CIMIP2A: variants seen among roughly 807,000 people sequenced by gnomAD.
CIMIP2A encodes family with sequence similarity 166 member A.
chr9:137,245,536 A>G, the CIMIP2A span: 8 of 1,613,738 alleles, frequency 5.0e-6, no homozygotes, highest in South Asian at 1.1e-5. Context: ...CAGAATCTCA[A>G]AGTTCTTAGA....
At chr9:137,244,128 A>T in the CIMIP2A span, 15 of 1,586,418 alleles carry the variant, frequency 9.5e-6, no homozygotes, top group Non-Finnish European at 1.3e-5. Context: ...CCCTCCCCAC[A>T]TTGGCCGGGG....
At chr9:137,244,443 C>T in the CIMIP2A span, 1 of 1,512,756 alleles carries the variant, frequency 6.6e-7, no homozygotes, top group Non-Finnish European at 8.9e-7. Context: ...GACTCCAAAA[C>T]TTGAGTGCAG....
At chr9:137,246,667 GCAGGAGAATGGCGTGAACC>G in the CIMIP2A span, among the ~76,000 whole-genome samples, 14 of 152,162 alleles carry the variant, frequency 9.2e-5, no homozygotes, top group South Asian at 4.1e-4. Flanking sequence ...GGAGGCTGAG[GCAGGAGAATGGCGTGAACC>G]CAGGAGGCGG....
At chr9:137,244,280 A>T in the CIMIP2A span, 1 of 1,613,652 alleles carries the variant, frequency 6.2e-7, no homozygotes, top group Non-Finnish European at 8.5e-7. Context: ...GGGGGTTTCT[A>T]AACAGGAACT....
chr9:137,244,498 C>G, the CIMIP2A span: 1 of 1,499,250 alleles, frequency 6.7e-7, no homozygotes, highest in Middle Eastern at 2.0e-4. Flanking sequence ...GCGGCACCTC[C>G]GGGGACAGGA....
chr9:137,251,620 T>C, the CIMIP2A span: 10 of 1,241,560 alleles, frequency 8.1e-6, no homozygotes, highest in Non-Finnish European at 1.1e-5. Context: ...GGGGACAGGC[T>C]GTGGGGCACG....
the CIMIP2A span, chr9:137,252,098 C>G: frequency 6.2e-7 from 1 of 1,612,512 alleles, no homozygotes. Context: ...CCTCCCCACA[C>G]CCCCACTACA....
the CIMIP2A span, chr9:137,244,942 G>A: frequency 6.2e-7 from 1 of 1,601,684 alleles, no homozygotes. Context: ...GAAGCAGCTG[G>A]GAGGCAGAGG....
the CIMIP2A span, chr9:137,252,619 G>A: frequency 6.6e-7 from 1 of 1,517,498 alleles, no homozygotes; most frequent in Non-Finnish European, 8.9e-7. Context: ...GAGGGTCCGT[G>A]GGGAGCACCC....
At chr9:137,251,792 G>A in the CIMIP2A span, 1 of 1,595,498 alleles carries the variant, frequency 6.3e-7, no homozygotes. Flanking sequence ...CCTGGGATGA[G>A]ACACAGCCCC....
chr9:137,245,096 G>A, the CIMIP2A span: 2 of 1,609,818 alleles, frequency 1.2e-6, no homozygotes, highest in Non-Finnish European at 1.7e-6. Context: ...CACCTGAGAT[G>A]GCCTTGCGTT....
At chr9:137,244,882 G>A in the CIMIP2A span, 5 of 1,570,900 alleles carry the variant, frequency 3.2e-6, no homozygotes, top group African/African-American at 4.0e-5. Flanking sequence ...TGGCCAAATG[G>A]GAACAGGCAG....
chr9:137,254,374 T>C, the CIMIP2A span, among the ~76,000 whole-genome samples: 1 of 139,242 alleles, frequency 7.2e-6, no homozygotes, highest in Non-Finnish European at 1.6e-5. Flanking sequence ...GCCATGGCCT[T>C]GGGAGCTCGG....
the CIMIP2A span, chr9:137,252,657 C>T: frequency 1.1e-5 from 17 of 1,539,804 alleles, no homozygotes; most frequent in East Asian, 9.9e-5. Flanking sequence ...CCTACCCCCT[C>T]GCAGTGGCCC....
At chr9:137,245,449 G>A in the CIMIP2A span, 1 of 1,613,988 alleles carries the variant, frequency 6.2e-7, no homozygotes, top group Non-Finnish European at 8.5e-7. Context: ...GAAGCCTGCA[G>A]GCAGCAGAAT....
At chr9:137,245,642 TGTA>T in the CIMIP2A span, 1 of 1,607,656 alleles carries the variant, frequency 6.2e-7, no homozygotes, top group Non-Finnish European at 8.5e-7. Context: ...AGCTCACTGG[TGTA>T]GTGGGGGATG....
At chr9:137,252,966 G>T in the CIMIP2A span, 5 of 1,594,258 alleles carry the variant, frequency 3.1e-6, no homozygotes, top group South Asian at 1.1e-5. Context: ...CTCAGCACCT[G>T]TAAGGAGGCC....
At chr9:137,244,105 C>G in the CIMIP2A span, 1 of 1,453,888 alleles carries the variant, frequency 6.9e-7, no homozygotes, top group East Asian at 2.3e-5. Context: ...GAAGGGTGAG[C>G]AGGTAGAGCC....
At chr9:137,254,372 C>T in the CIMIP2A span, among the ~76,000 whole-genome samples, 2 of 141,982 alleles carry the variant, frequency 1.4e-5, no homozygotes, top group Non-Finnish European at 3.1e-5. Context: ...TAGCCATGGC[C>T]TTGGGAGCTC....
Sources: allele counts gnomAD v4.1 joint callset (sites outside exome capture counted in the v4.1 genomes callset), GRCh38; gene constraint gnomAD v4.1.1; transcripts MANE v1.5; gene names NCBI Gene and HGNC (gene_info 2026-07-23, HGNC 2026-07-21).